METTL25: variants seen among roughly 807,000 people sequenced by gnomAD.
METTL25 encodes the protein methyltransferase like 25.
Under a neutral mutation model 71.6 loss-of-function variants are expected in METTL25, and 64 were observed. That is an observed-to-expected ratio of 0.89 (90% CI 0.73 to 1.10). The LOEUF (loss-of-function observed/expected upper bound fraction) is 1.10. Among genes scored for constraint, METTL25 ranks in the 50% least tolerant of loss-of-function variants. METTL25 has a pLI of 0.00. For missense variants in METTL25, 807 were observed against 707.0 expected, an observed-to-expected ratio of 1.14 and a Z score of -1.60; for synonymous variants, 287 against 250.3, an observed-to-expected ratio of 1.15 and a Z score of -1.38.
intron 9 of METTL25, among the ~76,000 whole-genome samples, chr12:82,465,729 C>T (rs1234680513): frequency 6.6e-6 from 1 of 151,932 alleles, no homozygotes; most frequent in African/African-American, 2.4e-5. Flanking sequence ...GCCATCGATC[C>T]TGGAACTTTC....
intron 5 of METTL25, among the ~76,000 whole-genome samples, chr12:82,420,487 T>C (rs1888380098): frequency 1.3e-5 from 2 of 152,088 alleles, no homozygotes; most frequent in Admixed American, 6.6e-5. Context: ...ATACATTACA[T>C]ATCTGCAGCT....
intron 1 of METTL25, among the ~76,000 whole-genome samples, chr12:82,361,562 C>T (rs10778895): frequency 0.85 from 129,135 of 152,214 alleles, 55,160 homozygotes; most frequent in East Asian, 1. Context: ...AGCCCTGCCC[C>T]GCAGGGAGGC....
chr12:82,467,451 G>A (rs1892304389), intron 9 of METTL25, among the ~76,000 whole-genome samples: 1 of 151,922 alleles, frequency 6.6e-6, no homozygotes, highest in South Asian at 2.1e-4. Flanking sequence ...ACTTTTAAAG[G>A]CCAGTCTAAG....
intron 9 of METTL25, among the ~76,000 whole-genome samples, chr12:82,467,656 G>A (rs754714311): frequency 6.6e-6 from 1 of 151,840 alleles, no homozygotes; most frequent in Non-Finnish European, 1.5e-5. Flanking sequence ...TCCACTGTTC[G>A]TCTAATTGAG....
intron 8 of METTL25, among the ~76,000 whole-genome samples, chr12:82,456,319 A>G (rs546161819): frequency 4.1e-4 from 62 of 152,042 alleles, no homozygotes; most frequent in Non-Finnish European, 7.5e-4. Flanking sequence ...CTGGAATTGA[A>G]GAAGTTCTCT....
chr12:82,435,206 T>C (rs994750933), intron 7 of METTL25, among the ~76,000 whole-genome samples: 5 of 151,488 alleles, frequency 3.3e-5, no homozygotes, highest in South Asian at 4.1e-4. Flanking sequence ...CAAATATCCA[T>C]GTAATTGTCT....
intron 1 of METTL25, among the ~76,000 whole-genome samples, chr12:82,385,222 A>T (rs1435306766): frequency 6.6e-6 from 1 of 152,182 alleles, no homozygotes; most frequent in Non-Finnish European, 1.5e-5. Context: ...ATTAGCTTAA[A>T]TATGTAGTTT....
chr12:82,366,834 T>A (rs760718695), intron 1 of METTL25, among the ~76,000 whole-genome samples: 8 of 152,246 alleles, frequency 5.3e-5, no homozygotes, highest in Non-Finnish European at 1.0e-4. Flanking sequence ...TTCCATTTTC[T>A]CTTTTTCAGT....
chr12:82,363,073 G>A (rs1489642163), intron 1 of METTL25, among the ~76,000 whole-genome samples: 2 of 152,068 alleles, frequency 1.3e-5, no homozygotes, highest in African/African-American at 4.8e-5. Flanking sequence ...TTCAGAGATC[G>A]GAGCAGGTGC....
chr12:82,471,223 G>T (rs1221002966), intron 9 of METTL25, among the ~76,000 whole-genome samples: 3 of 152,178 alleles, frequency 2.0e-5, no homozygotes, highest in South Asian at 4.1e-4. Flanking sequence ...TGAAATTAAA[G>T]CTCAGATTTG....
At chr12:82,429,034 T>C (rs908214782) in intron 5 of METTL25, among the ~76,000 whole-genome samples, 1 of 152,032 alleles carries the variant, frequency 6.6e-6, no homozygotes, top group African/African-American at 2.4e-5. Flanking sequence ...TTATCATTTC[T>C]GTGTATTGGG....
At chr12:82,446,461 T>C (rs771699821) in intron 8 of METTL25, among the ~76,000 whole-genome samples, 6 of 150,722 alleles carry the variant, frequency 4.0e-5, no homozygotes, top group Admixed American at 6.6e-5. Context: ...AGAAATCATA[T>C]CAAGTATCAT....
Position 82,476,931 on chromosome 12 carries a change from T to C in METTL25, c.1647+213T>C, listed in dbSNP as rs533326712. Among the ~76,000 whole-genome samples, 11 of 151,940 alleles carry C rather than the reference T, an allele frequency of 7.2e-5. No individual in the cohort carries two copies. The South Asian group carries it at 8.3e-4, about 11-fold the overall frequency. On this transcript the variant is annotated intron_variant, in intron 10 of 11. Coordinates refer to ENST00000248306, the MANE Select transcript of METTL25 (RefSeq NM_032230.3). ...ATTTCTCTTAAAAAAGTATTATAAA[T>C]GCACAAAAAGTTTCAGAGTCCTTTG...
intron 2 of METTL25, among the ~76,000 whole-genome samples, chr12:82,387,207 T>C (rs1404487837): frequency 6.6e-6 from 1 of 152,110 alleles, no homozygotes; most frequent in African/African-American, 2.4e-5. Context: ...TAACTTCTAC[T>C]GCAGATAGTT....
chr12:82,358,697 A>C lies in METTL25; in HGVS notation c.132A>C (p.Glu44Asp). 5 of 1,614,158 alleles carry C rather than the reference A, an allele frequency of 3.1e-6. No individual in the cohort carries two copies. The highest frequency in any genetic ancestry group is 4.2e-6 in the Non-Finnish European group (5 of 1,180,038). Residue 44 changes from glutamate to aspartate, a missense_variant, in exon 1 of 12, where the codon GAA becomes GAC. Coordinates refer to ENST00000248306, the MANE Select transcript of METTL25 (RefSeq NM_032230.3). Reference sequence around the variant, plus strand: ...CACATACCGTGGATTTCTACACAGAATCCGTGTGGGAGGAGCTGGTCGACT... The same window carrying C: ...CACATACCGTGGATTTCTACACAGACTCCGTGTGGGAGGAGCTGGTCGACT... The part of the protein sequence containing the change: ...SNAHTVDFYT[E>D]SVWEELVDLP...
At chr12:82,421,954 A>T (rs1331384364) in intron 5 of METTL25, among the ~76,000 whole-genome samples, 1 of 152,228 alleles carries the variant, frequency 6.6e-6, no homozygotes, top group Admixed American at 6.5e-5. Context: ...TCACAGCCGA[A>T]TTCTACCAGA....
At chr12:82,477,451 G>C (rs1160452365) in intron 11 of METTL25, 99 bp downstream of exon 11, 3 of 525,848 alleles carry the variant, frequency 5.7e-6, no homozygotes, top group African/African-American at 4.0e-5. Flanking sequence ...CATAAAACTA[G>C]TAAGAAAATT....
At chr12:82,452,716 A>T (rs1485321333) in intron 8 of METTL25, among the ~76,000 whole-genome samples, 1 of 152,194 alleles carries the variant, frequency 6.6e-6, no homozygotes, top group Non-Finnish European at 1.5e-5. Context: ...TGCAAAAGTA[A>T]CCTTTAACTT....
intron 9 of METTL25, among the ~76,000 whole-genome samples, chr12:82,466,810 C>T (rs987509583): frequency 2.6e-4 from 39 of 152,006 alleles, no homozygotes; most frequent in Admixed American, 6.6e-5. Context: ...TTGTCATATT[C>T]TTTTGCTAAA....
Sources: allele counts gnomAD v4.1 joint callset (sites outside exome capture counted in the v4.1 genomes callset), GRCh38; gene constraint gnomAD v4.1.1; transcripts MANE v1.5; gene names NCBI Gene and HGNC (gene_info 2026-07-23, HGNC 2026-07-21).